The following CALD1 variants were observed in gnomAD, a reference collection of about 807,000 sequenced individuals.
The protein encoded by CALD1 is caldesmon 1.
A neutral mutation model predicts 99.9 loss-of-function variants in CALD1; 33 were observed. The observed-to-expected ratio is 0.33, with a 90% CI of 0.25 to 0.44. The LOEUF is 0.44. Among genes scored for constraint, CALD1 ranks in the 20% least tolerant of loss-of-function variants. CALD1 has a pLI of 1.00. For synonymous variants in CALD1, 310 were observed against 325.0 expected, an observed-to-expected ratio of 0.95 and a Z score of 0.50; for missense variants, 861 against 962.1, an observed-to-expected ratio of 0.89 and a Z score of 1.39.
intron 1 of CALD1, among the ~76,000 whole-genome samples, chr7:134,823,293 G>A (rs4463365): frequency 0.055 from 8,385 of 152,248 alleles, 764 homozygotes; most frequent in African/African-American, 0.19. Context: ...AAACATCTGC[G>A]TGAAAAGTAA....
At chr7:134,721,952 G>A in the CALD1 span, among the ~76,000 whole-genome samples, 2 of 152,180 alleles carry the variant, frequency 1.3e-5, no homozygotes, top group African/African-American at 4.8e-5. Context: ...CTAAGCAAGT[G>A]TGACTCTACC....
chr7:134,799,771 A>G (rs1797877168), intron 1 of CALD1, among the ~76,000 whole-genome samples: 1 of 152,250 alleles, frequency 6.6e-6, no homozygotes, highest in South Asian at 2.1e-4. Context: ...AAGACTTGGT[A>G]GAAAATACCA....
intron 11 of CALD1, among the ~76,000 whole-genome samples, chr7:134,958,500 C>T (rs1807957109): frequency 1.3e-5 from 2 of 150,218 alleles, no homozygotes; most frequent in Non-Finnish European, 2.9e-5. Flanking sequence ...CGTCTGCCTC[C>T]TGGGGTCAAG....
chr7:134,939,665 T>C (rs1405658252), intron 6 of CALD1, among the ~76,000 whole-genome samples: 1 of 152,168 alleles, frequency 6.6e-6, no homozygotes, highest in African/African-American at 2.4e-5. Flanking sequence ...CTCTGCTTTG[T>C]AAAACATGCA....
chr7:134,872,952 G>A (rs1475070420), intron 3 of CALD1, among the ~76,000 whole-genome samples: 1 of 152,134 alleles, frequency 6.6e-6, no homozygotes, highest in Non-Finnish European at 1.5e-5. Flanking sequence ...GGAGGCCAAG[G>A]CAGGCAGATC....
rs140967279 is a variant in CALD1 at position 134,796,695 on chromosome 7, C to T, written c.-130+16946C>T. Among the ~76,000 whole-genome samples, 1,054 of 152,222 alleles carry T rather than the reference C, an allele frequency of 6.9e-3. 22 individuals are homozygous for T. The highest frequency in any genetic ancestry group is 0.024 in the African/African-American group (992 of 41,526). On this transcript the variant is annotated intron_variant, in intron 1 of 14. Coordinates refer to ENST00000361675, the MANE Select transcript of CALD1 (RefSeq NM_033138.4). ...TGAACTCCTGGGCTCAAGCAATCATCCTGCCCTAGCCTCCTGAATAGCTAA... is the reference window on the plus strand; with the variant it reads ...TGAACTCCTGGGCTCAAGCAATCATTCTGCCCTAGCCTCCTGAATAGCTAA...
At chr7:134,833,131 GC>G (rs1799297959) in intron 1 of CALD1, among the ~76,000 whole-genome samples, 1 of 152,192 alleles carries the variant, frequency 6.6e-6, no homozygotes, top group Non-Finnish European at 1.5e-5. Context: ...GGTGGCAACT[GC>G]CAAAAATTTT....
chr7:134,927,551 CAAAAAAAAAA>C (rs58182455), intron 3 of CALD1, among the ~76,000 whole-genome samples: 3 of 40,382 alleles, frequency 7.4e-5, no homozygotes, highest in Admixed American at 4.1e-4. Flanking sequence ...GACTGTGTCT[CAAAAAAAAAA>C]AAAAAAAAAA....
chr7:134,884,382 A>T (rs889415556), intron 3 of CALD1, among the ~76,000 whole-genome samples: 2 of 152,108 alleles, frequency 1.3e-5, no homozygotes, highest in Non-Finnish European at 2.9e-5. Flanking sequence ...CTTTGCTCTG[A>T]CTTCACACTC....
At chr7:134,857,525 C>G (rs571785859) in intron 2 of CALD1, among the ~76,000 whole-genome samples, 3 of 152,146 alleles carry the variant, frequency 2.0e-5, no homozygotes, top group African/African-American at 7.2e-5. Flanking sequence ...GTCCAGGTAT[C>G]CCCAAACTAA....
At chr7:134,758,323 C>T (rs1217732158) in intron 1 of CALD1, among the ~76,000 whole-genome samples, 2 of 152,184 alleles carry the variant, frequency 1.3e-5, no homozygotes, top group African/African-American at 4.8e-5. Context: ...TAGTATATTT[C>T]ATTTATAAAT....
At chr7:134,942,929 T>C (rs990771800) in intron 7 of CALD1, among the ~76,000 whole-genome samples, 4 of 152,138 alleles carry the variant, frequency 2.6e-5, no homozygotes, top group African/African-American at 9.7e-5. Flanking sequence ...AAGAAAGGAA[T>C]AGTCACAAGA....
At chr7:134,945,002 T>G (rs1389629472) in intron 7 of CALD1, among the ~76,000 whole-genome samples, 2 of 152,182 alleles carry the variant, frequency 1.3e-5, no homozygotes, top group Non-Finnish European at 2.9e-5. Flanking sequence ...TCACAGTAGG[T>G]GCTAATGATA....
the CALD1 span, among the ~76,000 whole-genome samples, chr7:134,713,650 T>C: frequency 6.6e-6 from 1 of 152,140 alleles, no homozygotes; most frequent in Non-Finnish European, 1.5e-5. Flanking sequence ...ATTGGTATAA[T>C]AAAGGCTTGA....
the CALD1 span, among the ~76,000 whole-genome samples, chr7:134,738,599 G>A: frequency 0.046 from 6,990 of 152,144 alleles, 333 homozygotes; most frequent in African/African-American, 0.11. Context: ...TTGATTGTTC[G>A]CTGTTGAAAA....
At chr7:134,845,987 C>A (rs1195282553) in intron 2 of CALD1, among the ~76,000 whole-genome samples, 1 of 152,178 alleles carries the variant, frequency 6.6e-6, no homozygotes, top group Admixed American at 6.5e-5. Flanking sequence ...TTCCTGTGAG[C>A]CTTCTCCTAC....
chr7:134,778,564 C>T (rs1245085132), upstream of CALD1, among the ~76,000 whole-genome samples: 1 of 152,182 alleles, frequency 6.6e-6, no homozygotes, highest in Admixed American at 6.5e-5. Flanking sequence ...TAATTAAGTA[C>T]TAATTGAGTG....
At chr7:134,766,342 C>CACCATGT in intron 1 of CALD1, among the ~76,000 whole-genome samples, 1 of 151,884 alleles carries the variant, frequency 6.6e-6, no homozygotes, top group Admixed American at 6.6e-5. Context: ...GATGCAGTTT[C>CACCATGT]ACCATGTTGG....
intron 1 of CALD1, among the ~76,000 whole-genome samples, chr7:134,760,671 T>C (rs1796769260): frequency 1.3e-5 from 2 of 152,194 alleles, no homozygotes; most frequent in Non-Finnish European, 2.9e-5. Flanking sequence ...TAAAGATGTA[T>C]GCATATGAAG....
Sources: gnomAD v4.1 joint callset for allele counts (sites outside exome capture counted in the v4.1 genomes callset) on GRCh38, gnomAD v4.1.1 for gene constraint, MANE v1.5 for transcripts, NCBI Gene and HGNC (gene_info 2026-07-23, HGNC 2026-07-21) for gene names.